CKM: variants seen among roughly 807,000 people sequenced by gnomAD.
CKM encodes creatine kinase M-type.
In CKM, 28 loss-of-function variants were observed where a neutral mutation model predicts 35.4. That is an observed-to-expected ratio of 0.79 (90% CI 0.59 to 1.08). The LOEUF is 1.08. CKM is among the 50% of genes least tolerant of loss of function. CKM has a pLI of 0.00. For missense variants in CKM, 484 were observed against 509.8 expected (o/e 0.95, Z 0.49); for synonymous variants, 215 against 204.4 (o/e 1.05, Z -0.44).
At chr19:45,310,116 CTTTTTTTT>C (rs56240150) in intron 5 of CKM, among the ~76,000 whole-genome samples, 6 of 93,924 alleles carry the variant, frequency 6.4e-5, no homozygotes, top group Non-Finnish European at 1.2e-4. Flanking sequence ...CCAGGCACTG[CTTTTTTTT>C]TTTTTTTTTT....
At position 45,307,623 on chromosome 19, in the gene CKM, G is replaced by A; in HGVS notation, c.805C>T (p.His269Tyr). 1 of 1,614,036 alleles carries A rather than the reference G, an allele frequency of 6.2e-7. No individual in the cohort carries two copies. The highest frequency in any genetic ancestry group is 1.3e-5 in the African/African-American group (1 of 75,040). The change falls in exon 7 of 8, where the codon CAC becomes TAC. Residue 269 changes from histidine to tyrosine, a missense_variant. By Grantham distance (83) the His-to-Tyr change is moderately conservative (BLOSUM62 2). Transcript: ENST00000221476. ...AGGTGCTGGTTCCACATGAAGGGGT[G>A]GCCAGCTTTCTTAAAGATCTCCTCA... Reference protein sequence around the residue: ...KIEEIFKKAGHPFMWNQHLGY... With the variant: ...KIEEIFKKAGYPFMWNQHLGY...
chr19:45,322,854 A>G lies in CKM; in HGVS notation c.-52T>C, dbSNP rs1035013287. The G allele has an allele frequency of 2.1e-5, 21 of 985,886 alleles. No homozygotes were observed. The highest frequency in any genetic ancestry group is 2.5e-5 in the Non-Finnish European group (21 of 830,504). 61.1% of individuals were successfully genotyped at this position (985,886 alleles called of 1,614,324 possible). A position where few individuals can be genotyped will look rare whatever the true frequency, so the allele number is the denominator to read the frequency against. On this transcript the variant is annotated 5_prime_UTR_variant, in exon 1 of 8. Coordinates refer to ENST00000221476, the MANE Select transcript of CKM (RefSeq NM_001824.5). ...GCTGGGCTGAAGGGGGGCTGTCTGT[A>G]TCCTGGAGGTGACACTGACCCAAAG...
In CKM at chr19:45,308,435, G is replaced by T. The variant is rs767407229; in HGVS notation, c.751C>A (p.Arg251Ser). Reference protein sequence around the residue: ...EKGGNMKEVFRRFCVGLQKIE... With the variant: ...EKGGNMKEVFSRFCVGLQKIE... ...TTCTGCAGCCCTACGCAGAAGCGGC[G>T]GAAAACCTCCTTCATGTTGCCCCCC... The change falls in exon 6 of 8, where the codon CGC becomes AGC. Residue 251 changes from arginine to serine, a missense_variant. Coordinates refer to ENST00000221476, the MANE Select transcript of CKM (RefSeq NM_001824.5). 1.9e-6 allele frequency: 3 copies of T among 1,614,164 alleles called. No homozygotes were observed. The East Asian group carries it at 6.7e-5, about 36-fold the overall frequency.
intron 5 of CKM, among the ~76,000 whole-genome samples, chr19:45,311,307 C>T (rs376345738): frequency 6.6e-6 from 1 of 151,380 alleles, no homozygotes. Flanking sequence ...GATCTCGGCT[C>T]ACTGCAACCT....
intron 5 of CKM, 143 bp from the exon 6 acceptor site, chr19:45,308,675 G>A (rs1971079279): frequency 3.0e-6 from 3 of 1,014,100 alleles, no homozygotes; most frequent in African/African-American, 1.6e-5. Context: ...TCCTCAAAAC[G>A]CAGAAGCTTA....
rs370315406 is a variant in CKM, at chr19:45,306,704, C to T, written c.*46G>A. ...GAGCAGGACTCTGGTGGGCCAGGCC[C>T]TCCCACTGGCTGGGTTCCAGCAGTC... On this transcript the variant is annotated 3_prime_UTR_variant, in exon 8 of 8. Transcript: ENST00000221476. This position sits in a 1 kb window ranked among gnomAD's most constrained non-coding sequence, Gnocchi z 4.5. The T allele has an allele frequency of 7.5e-5, 120 of 1,607,718 alleles. No individual in the cohort carries two copies. Among genetic ancestry groups the T allele is most frequent in the African/African-American group, 2.7e-5 (2 of 74,836 alleles).
rs896294858 is a variant in CKM at position 45,317,784 on chromosome 19, C to T, written c.348+41G>A. 10 of 1,610,444 alleles carry T rather than the reference C, an allele frequency of 6.2e-6. No homozygotes were observed. In the East Asian group the frequency reaches 6.7e-5, roughly 11 times the overall value. On this transcript the variant is annotated intron_variant, in intron 3 of 7. Coordinates refer to ENST00000221476, the MANE Select transcript of CKM (RefSeq NM_001824.5). ...CCCCATTTCTCCTGTGATCTCTCTCCTCCTCACCCCTCGGCCCTCCCCTCC... is the reference window on the plus strand; with the variant it reads ...CCCCATTTCTCCTGTGATCTCTCTCTTCCTCACCCCTCGGCCCTCCCCTCC...
chr19:45,320,655 T>C (rs373341846), intron 1 of CKM, among the ~76,000 whole-genome samples: 1 of 152,062 alleles, frequency 6.6e-6, no homozygotes. Context: ...TTTGTGTGGG[T>C]AAGAGTGTAG....
intron 1 of CKM, among the ~76,000 whole-genome samples, chr19:45,321,315 C>A (rs1482330296): frequency 6.6e-6 from 1 of 150,966 alleles, no homozygotes; most frequent in African/African-American, 2.4e-5. Flanking sequence ...AGACAAAGGG[C>A]TGGGTCGGGG....
At chr19:45,311,714 G>A (rs1434729509) in intron 5 of CKM, 35 bp downstream of exon 5, 5 of 1,535,976 alleles carry the variant, frequency 3.3e-6, no homozygotes, top group Non-Finnish European at 4.4e-6. Flanking sequence ...GGAGGCTGGG[G>A]GAAGAGGAAG....
At chr19:45,308,066 G>A (rs1203620842) in intron 6 of CKM, among the ~76,000 whole-genome samples, 1 of 152,018 alleles carries the variant, frequency 6.6e-6, no homozygotes, top group African/African-American at 2.4e-5. Flanking sequence ...ATAGAGACGG[G>A]GTTTCACCAT....
intron 5 of CKM, among the ~76,000 whole-genome samples, chr19:45,309,537 C>T (rs1177979146): frequency 2.4e-5 from 3 of 122,636 alleles, no homozygotes; most frequent in Non-Finnish European, 4.9e-5. Context: ...GCCTGGGCAA[C>T]AGAGCAAGAC....
chr19:45,314,769 T>C (rs1021939426), intron 4 of CKM, among the ~76,000 whole-genome samples: 60 of 152,136 alleles, frequency 3.9e-4, no homozygotes, highest in African/African-American at 1.4e-3. Flanking sequence ...TGGAGTGCAG[T>C]GGCACAATCA....
rs201705552 is a variant in CKM, at chr19:45,311,834, C to G, written c.568G>C (p.Asp190His). The G allele has an allele frequency of 6.2e-7, 1 of 1,613,466 alleles. No homozygotes were observed. Among genetic ancestry groups the G allele is most frequent in the African/African-American group, 1.3e-5 (1 of 75,018 alleles). Residue 190 changes from aspartate (D) to histidine (H), a missense_variant, in exon 5 of 8, where the codon GAC becomes CAC. By Grantham distance (81) the Asp-to-His change is moderately conservative. Coordinates refer to ENST00000221476, the MANE Select transcript of CKM (RefSeq NM_001824.5). ...TEKEQQQLIDDHFLFDKPVSP... is the reference protein window; with the variant it reads ...TEKEQQQLIDHHFLFDKPVSP... ...ACGGGCTTGTCGAACAGGAAGTGGT[C>G]ATCGATGAGCTGCTGCTGCTCCTTC...
At chr19:45,321,063 A>AT (rs35089528) in intron 1 of CKM, among the ~76,000 whole-genome samples, 1,975 of 142,646 alleles carry the variant, frequency 0.014, 39 homozygotes, top group Middle Eastern at 0.015. Context: ...ACACCTGGCT[A>AT]TTTTTTTTTT....
chr19:45,308,383 G>A (rs1366997247), intron 6 of CKM, 26 bp downstream of exon 6: 1 of 1,613,862 alleles, frequency 6.2e-7, no homozygotes, highest in Non-Finnish European at 8.5e-7. Context: ...GGAGTCAGAA[G>A]TCAGCAGCTA....
Position 45,307,607 on chromosome 19 carries a change from T to C in CKM, c.821A>G (p.Asn274Ser). 1 of 1,614,122 alleles carries C rather than the reference T, an allele frequency of 6.2e-7. No individual in the cohort carries two copies. Among genetic ancestry groups the C allele is most frequent in the Non-Finnish European group, 8.5e-7 (1 of 1,180,012 alleles). ...GGTGAGCACGTAGCCCAGGTGCTGG[T>C]TCCACATGAAGGGGTGGCCAGCTTT... is the stretch of plus-strand genomic sequence containing the variant. ...FKKAGHPFMW[N>S]QHLGYVLTCP... The change falls in exon 7 of 8, where the codon AAC (asparagine) becomes AGC (serine). Residue 274 changes from asparagine to serine, a missense_variant. By Grantham distance (46) the Asn-to-Ser change is conservative. Transcript: ENST00000221476.
At chr19:45,319,071 G>T (rs560498427) in intron 2 of CKM, among the ~76,000 whole-genome samples, 1 of 151,900 alleles carries the variant, frequency 6.6e-6, no homozygotes, top group Non-Finnish European at 1.5e-5. Flanking sequence ...TGCTCAGGCT[G>T]GTCTCAAACT....
chr19:45,310,937 A>ATTTT (rs71173145), intron 5 of CKM, among the ~76,000 whole-genome samples: 1 of 129,810 alleles, frequency 7.7e-6, no homozygotes, highest in Non-Finnish European at 1.6e-5. Context: ...CGCCGGGCTA[A>ATTTT]TTTTTTTTTT....
Sources: allele counts gnomAD v4.1 joint callset (sites outside exome capture counted in the v4.1 genomes callset), GRCh38; gene constraint gnomAD v4.1.1; non-coding constraint Gnocchi (gnomAD v3.1); transcripts MANE v1.5; gene names NCBI Gene and HGNC (gene_info 2026-07-23, HGNC 2026-07-21).